The following GTF2H2C variants were observed in gnomAD, a reference collection of about 807,000 sequenced individuals.
GTF2H2C encodes the protein general transcription factor IIH subunit 2-like protein.
Under a neutral mutation model 24.8 loss-of-function variants are expected in GTF2H2C, and 5 were observed. The ratio of observed to expected loss-of-function variants is 0.20; its 90% CI spans 0.11 to 0.42. The LOEUF (loss-of-function observed/expected upper bound fraction) is 0.42, where lower values mean the gene tolerates loss of function less well. Ranked by LOEUF, GTF2H2C falls within the 20% of genes least tolerant of loss-of-function variation. The pLI, the probability that GTF2H2C is intolerant of heterozygous loss-of-function variation, is 1.00. For missense variants in GTF2H2C, 45 were observed against 169.8 expected, an observed-to-expected ratio of 0.27 and a Z score of 4.08; for synonymous variants, 14 against 52.6, an observed-to-expected ratio of 0.27 and a Z score of 3.18.
chr5:69,594,580 A>G lies in GTF2H2C; in HGVS notation c.*2382A>G, dbSNP rs1249695848. 4 of 120,254 alleles carry G rather than the reference A, an allele frequency of 3.3e-5. No individual in the cohort carries two copies. The highest frequency in any genetic ancestry group is 7.2e-5 in the Non-Finnish European group (4 of 55,882). The allele number at this position is 120,254 out of a possible 1,614,324, so 7.4% of individuals were successfully genotyped here. ...AATTTCACCTATAGGTAACCTGGTA[A>G]CTGCTATTTTCTTCTGTGTGCTCTG... On this transcript the variant is annotated 3_prime_UTR_variant, in exon 17 of 17. Transcript: ENST00000380729.
At position 69,568,220 on chromosome 5, in the gene GTF2H2C, T is replaced by G. The variant is rs1770864431; in HGVS notation, c.364+13T>G. The stretch of plus-strand genomic sequence containing the variant: ...ACTGAACTTTCAGGTATGCATAAAA[T>G]TACCTTTACATGACTCAAGGACTTT... On this transcript the variant is annotated intron_variant, in intron 8 of 16. Transcript: ENST00000380729. 2.5e-6 allele frequency: 1 copy of G among 407,656 alleles called. No homozygotes were observed. The allele number at this position is 407,656 out of a possible 1,614,324, so 25.3% of individuals were successfully genotyped here.
At chr5:69,575,566 GGT>G (rs1771304951) in intron 9 of GTF2H2C, among the ~76,000 whole-genome samples, 1 of 136,762 alleles carries the variant, frequency 7.3e-6, no homozygotes, top group Admixed American at 7.3e-5. Context: ...CAGGTGTGGT[GGT>G]GTGCGCCTAT....
chr5:69,568,685 C>T (rs1398194438), intron 8 of GTF2H2C: 2 of 108,254 alleles, frequency 1.8e-5, no homozygotes, highest in African/African-American at 7.1e-5. Context: ...TTAGTAGATA[C>T]GGGGTTTCAC....
intron 8 of GTF2H2C, chr5:69,568,476 AT>A (rs1198816608): frequency 3.8e-5 from 10 of 263,476 alleles, no homozygotes; most frequent in South Asian, 2.4e-4. Flanking sequence ...TTATCCTGAA[AT>A]TTTTTTTTCT....
In GTF2H2C at chr5:69,566,203, A is replaced by G. The variant is rs777914011; in HGVS notation, c.129A>G (p.Arg43=). 1.9e-6 allele frequency: 3 copies of G among 1,609,360 alleles called. 1 individual carries two copies. The East Asian group carries it at 6.7e-5, about 36-fold the overall frequency. ...AAGACATTCTATTCAAGGCAAAGAG[A>G]AAAAGGTATGTAACCTTCCTACGTA... ...TIEDILFKAK[R]KRVFEHHGQV... Residue 43 remains arginine, a synonymous_variant, in exon 4 of 17, where the codon AGA becomes AGG. Transcript: ENST00000380729.
At chr5:69,565,289 A>C (rs1770683680) in intron 3 of GTF2H2C, 101 bp downstream of exon 3, 1 of 438,920 alleles carries the variant, frequency 2.3e-6, no homozygotes, top group African/African-American at 2.9e-5. Context: ...AAATTCACCC[A>C]TTTCCAATGT....
chr5:69,563,076 A>C (rs1770482294), intron 2 of GTF2H2C, among the ~76,000 whole-genome samples: 1 of 148,144 alleles, frequency 6.8e-6, no homozygotes, highest in South Asian at 2.2e-4. Flanking sequence ...CAGCCTCCCC[A>C]GTAGCTGGGA....
At chr5:69,563,568 C>T (rs1770539889) in intron 2 of GTF2H2C, among the ~76,000 whole-genome samples, 1 of 151,990 alleles carries the variant, frequency 6.6e-6, no homozygotes, top group African/African-American at 2.4e-5. Context: ...TCACAGAGTA[C>T]GTGTGCATGT....
At chr5:69,563,521 GTGTT>G (rs141028031) in intron 2 of GTF2H2C, among the ~76,000 whole-genome samples, 12,534 of 151,964 alleles carry the variant, frequency 0.082, 1,711 homozygotes, top group African/African-American at 0.28. Flanking sequence ...GCCCTGGCCT[GTGTT>G]TGTTTGTTTT....
intron 1 of GTF2H2C, among the ~76,000 whole-genome samples, chr5:69,560,764 T>A (rs903315866): frequency 4.6e-5 from 7 of 151,762 alleles, no homozygotes; most frequent in Non-Finnish European, 8.8e-5. Context: ...CTTAAAAAAA[T>A]TTTTTTTTCT....
chr5:69,581,607 C>CTAA (rs1771602192), intron 12 of GTF2H2C, among the ~76,000 whole-genome samples: 2 of 116,604 alleles, frequency 1.7e-5, no homozygotes, highest in Admixed American at 2.0e-4. Flanking sequence ...TATTAGAGTC[C>CTAA]TTTAGGAATG....
At position 69,563,208 on chromosome 5, in the gene GTF2H2C, G is replaced by GTT. The variant is rs372454225; in HGVS notation, c.-34+461_-34+462dup. ...GATGTCAGCCATCATACCCGGCCTG[G>GTT]TTTTTTTTTTTTTTTTTTTTTTTTG... On this transcript the variant is annotated intron_variant, in intron 2 of 16. Coordinates refer to ENST00000380729, the MANE Select transcript of GTF2H2C (RefSeq NM_001376000.2). Among the ~76,000 whole-genome samples, 384 of 107,254 alleles carry GTT rather than the reference G, an allele frequency of 3.6e-3. 17 individuals are homozygous for GTT. The highest frequency in any genetic ancestry group is 0.014 in the African/African-American group (312 of 22,740). 70.4% of individuals were successfully genotyped at this position (107,254 alleles called of 152,430 possible).
At chr5:69,575,704 TAA>T (rs1180573934) in intron 9 of GTF2H2C, among the ~76,000 whole-genome samples, 2 of 28,550 alleles carry the variant, frequency 7.0e-5, no homozygotes, top group Non-Finnish European at 5.9e-5. Flanking sequence ...CGTCTCAAAA[TAA>T]AAAAAAAAAA....
rs1370511002 is a variant in GTF2H2C, at chr5:69,573,031, A to C, written c.470+481A>C. Among the ~76,000 whole-genome samples the C allele has an allele frequency of 4.4e-5, 6 of 136,780 alleles. No individual in the cohort carries two copies. In the East Asian group the frequency reaches 1.2e-3, roughly 28 times the overall value. 89.7% of individuals were successfully genotyped at this position (136,780 alleles called of 152,430 possible). On this transcript the variant is annotated intron_variant, in intron 9 of 16. Transcript: ENST00000380729. ...TACTTGGTATAGTTAAAGCTTATATATATATATAAGCTTTATATACATATT... is the reference window on the plus strand; with the variant it reads ...TACTTGGTATAGTTAAAGCTTATATCTATATATAAGCTTTATATACATATT...
intron 15 of GTF2H2C, 109 bp from the exon 16 acceptor site, chr5:69,590,217 CAT>C (rs1220546128): frequency 1.6e-5 from 2 of 123,080 alleles, no homozygotes; most frequent in Non-Finnish European, 3.4e-5. Flanking sequence ...TCCTGAAAGT[CAT>C]GTGTAAAGAC....
At chr5:69,561,050 T>C (rs1490997958) in intron 1 of GTF2H2C, among the ~76,000 whole-genome samples, 1 of 152,062 alleles carries the variant, frequency 6.6e-6, no homozygotes, top group Non-Finnish European at 1.5e-5. Context: ...GCCACCCACC[T>C]GGCCTCGGTG....
chr5:69,561,757 C>A (rs1770371387), intron 1 of GTF2H2C, among the ~76,000 whole-genome samples: 1 of 151,748 alleles, frequency 6.6e-6, no homozygotes, highest in South Asian at 2.1e-4. Flanking sequence ...CATCCTCCCA[C>A]TTTTGCTTCC....
At chr5:69,564,873 T>A (rs1460401926) in intron 2 of GTF2H2C, among the ~76,000 whole-genome samples, 3 of 152,100 alleles carry the variant, frequency 2.0e-5, no homozygotes, top group Non-Finnish European at 4.4e-5. Flanking sequence ...AAAAAGACAC[T>A]TATTTTTATT....
intron 1 of GTF2H2C, among the ~76,000 whole-genome samples, chr5:69,562,032 G>T (rs1770393556): frequency 6.6e-6 from 1 of 152,030 alleles, no homozygotes; most frequent in Non-Finnish European, 1.5e-5. Flanking sequence ...AAAATGTTCA[G>T]TTGAGGCTGG....
Sources: allele counts gnomAD v4.1 joint callset (sites outside exome capture counted in the v4.1 genomes callset), GRCh38; gene constraint gnomAD v4.1.1; transcripts MANE v1.5; gene names NCBI Gene and HGNC (gene_info 2026-07-23, HGNC 2026-07-21).